CACNB2: variants seen among roughly 807,000 people sequenced by gnomAD.
CACNB2 encodes voltage-dependent L-type calcium channel subunit beta-2.
CACNB2 carries 42 observed loss-of-function variants against 73.3 expected under a neutral mutation model. The observed-to-expected ratio is 0.57, with a 90% CI of 0.45 to 0.74. CACNB2 has a LOEUF of 0.74. Ranked by LOEUF, CACNB2 falls within the 30% of genes least tolerant of loss-of-function variation. CACNB2 has a pLI of 0.00. For missense variants in CACNB2, 940 were observed against 853.0 expected (o/e 1.10, Z -1.27); for synonymous variants, 348 against 310.3 (o/e 1.12, Z -1.28).
intron 2 of CACNB2, among the ~76,000 whole-genome samples, chr10:18,335,667 G>A (rs898306737): frequency 1.3e-5 from 2 of 151,938 alleles, no homozygotes; most frequent in Admixed American, 6.6e-5. Flanking sequence ...TCAATCTTAG[G>A]TCTGTTTCTC....
intron 3 of CACNB2, among the ~76,000 whole-genome samples, chr10:18,402,667 T>A (rs2132543416): frequency 6.6e-6 from 1 of 152,332 alleles, no homozygotes; most frequent in South Asian, 2.1e-4. Context: ...ACAGGATTCA[T>A]CTCAGGCCAT....
intron 2 of CACNB2, among the ~76,000 whole-genome samples, chr10:18,157,815 G>A (rs895571417): frequency 3.3e-5 from 5 of 152,078 alleles, no homozygotes; most frequent in African/African-American, 1.2e-4. Context: ...AAATTCCTAC[G>A]ACAAATACAT....
chr10:18,302,488 T>C (rs2039562816), intron 2 of CACNB2, among the ~76,000 whole-genome samples: 1 of 152,238 alleles, frequency 6.6e-6, no homozygotes, highest in Non-Finnish European at 1.5e-5. Context: ...AACTGTGCGA[T>C]ATGTACGCAA....
chr10:18,483,934 A>G (rs897219648), intron 3 of CACNB2, among the ~76,000 whole-genome samples: 2 of 152,224 alleles, frequency 1.3e-5, no homozygotes, highest in Admixed American at 6.5e-5. Context: ...TACTGAGTGG[A>G]ACCGCGGTGA....
chr10:18,529,624 C>A (rs189967025), intron 10 of CACNB2, among the ~76,000 whole-genome samples: 1 of 152,218 alleles, frequency 6.6e-6, no homozygotes, highest in Admixed American at 6.5e-5. Context: ...CCACAACAGG[C>A]TTCTGAAAAA....
At chr10:18,179,306 T>C (rs1318700576) in intron 2 of CACNB2, among the ~76,000 whole-genome samples, 2 of 152,008 alleles carry the variant, frequency 1.3e-5, no homozygotes, top group African/African-American at 2.4e-5. Flanking sequence ...TGTAGGGAGG[T>C]GATAGCTTTC....
At chr10:18,251,279 C>T (rs919439611) in intron 2 of CACNB2, among the ~76,000 whole-genome samples, 2 of 151,668 alleles carry the variant, frequency 1.3e-5, no homozygotes, top group Middle Eastern at 3.4e-3. Flanking sequence ...GAGTTTCACT[C>T]TGTCGCCCAG....
intron 2 of CACNB2, among the ~76,000 whole-genome samples, chr10:18,162,023 A>G (rs2032504656): frequency 2.0e-5 from 3 of 152,166 alleles, no homozygotes; most frequent in South Asian, 2.1e-4. Context: ...GCATTTGTAC[A>G]TATATGTGTG....
chr10:18,393,915 G>A (rs1052806603), intron 2 of CACNB2, among the ~76,000 whole-genome samples: 5 of 152,100 alleles, frequency 3.3e-5, no homozygotes, highest in Admixed American at 6.6e-5. Flanking sequence ...GTGTACTTTC[G>A]TTGTGCCTTT....
chr10:18,426,846 A>G (rs765998640), intron 3 of CACNB2, among the ~76,000 whole-genome samples: 2 of 151,710 alleles, frequency 1.3e-5, no homozygotes, highest in African/African-American at 2.4e-5. Context: ...TGGGTTTTCT[A>G]TAGAGGTACT....
intron 2 of CACNB2, among the ~76,000 whole-genome samples, chr10:18,213,885 A>G (rs1432482320): frequency 6.6e-6 from 1 of 152,190 alleles, no homozygotes; most frequent in Non-Finnish European, 1.5e-5. Context: ...CATGTAAACT[A>G]CTAAGTTTTA....
intron 2 of CACNB2, among the ~76,000 whole-genome samples, chr10:18,362,111 A>G (rs1205049155): frequency 1.3e-5 from 2 of 152,182 alleles, no homozygotes; most frequent in Non-Finnish European, 2.9e-5. Flanking sequence ...ATATAAGACA[A>G]TTTGTTTAAC....
At chr10:18,280,999 A>G (rs923966539) in intron 2 of CACNB2, among the ~76,000 whole-genome samples, 3 of 152,192 alleles carry the variant, frequency 2.0e-5, no homozygotes, top group Non-Finnish European at 4.4e-5. Context: ...AACAGCTTCA[A>G]TAAAGTGAAT....
chr10:18,278,975 C>T (rs1393782338), intron 2 of CACNB2, among the ~76,000 whole-genome samples: 5 of 152,112 alleles, frequency 3.3e-5, no homozygotes, highest in Non-Finnish European at 7.4e-5. Context: ...CATGATCATG[C>T]CACTGCACTC....
intron 9 of CACNB2, among the ~76,000 whole-genome samples, chr10:18,526,763 T>C (rs1362642402): frequency 6.6e-6 from 1 of 152,214 alleles, no homozygotes; most frequent in African/African-American, 2.4e-5. Flanking sequence ...TATTTTCCTT[T>C]ATTATTTATC....
intron 3 of CACNB2, among the ~76,000 whole-genome samples, chr10:18,467,283 G>C (rs1227867869): frequency 1.3e-5 from 2 of 152,196 alleles, no homozygotes; most frequent in African/African-American, 2.4e-5. Context: ...TTTGCCACAA[G>C]ATTCAAATAT....
intron 3 of CACNB2, among the ~76,000 whole-genome samples, chr10:18,455,332 G>A (rs377177295): frequency 2.0e-5 from 3 of 152,182 alleles, no homozygotes; most frequent in African/African-American, 7.2e-5. Flanking sequence ...ATTTAGAAAC[G>A]GCACTTAAGT....
At chr10:18,498,598 A>T in intron 4 of CACNB2, 121 bp downstream of exon 4, 1 of 973,236 alleles carries the variant, frequency 1.0e-6, no homozygotes, top group East Asian at 2.4e-5. Context: ...GTTGTATAAC[A>T]CACATAACTA....
At chr10:18,447,180 A>G (rs1448119873) in intron 3 of CACNB2, among the ~76,000 whole-genome samples, 3 of 152,198 alleles carry the variant, frequency 2.0e-5, no homozygotes, top group African/African-American at 7.2e-5. Flanking sequence ...GTGATTTATA[A>G]AAACTGGGAA....
Sources: gnomAD v4.1 joint callset for allele counts (sites outside exome capture counted in the v4.1 genomes callset) on GRCh38, gnomAD v4.1.1 for gene constraint, MANE v1.5 for transcripts, NCBI Gene and HGNC (gene_info 2026-07-23, HGNC 2026-07-21) for gene names.